Variants in CUBN observed in about 807,000 individuals in gnomAD.
CUBN encodes 460 kDa receptor.
A neutral mutation model predicts 405.3 loss-of-function variants in CUBN; 282 were observed. The ratio of observed to expected loss-of-function variants is 0.70; its 90% confidence interval spans 0.63 to 0.77. The LOEUF is 0.77. Ranked by LOEUF, CUBN falls within the 30% of genes least tolerant of loss-of-function variation. The probability of loss-of-function intolerance (pLI) is 0.00; values close to 1 mark genes in which losing one functional copy is unlikely to be tolerated. For missense variants in CUBN, 4,514 were observed against 4,475.2 expected (o/e 1.01, Z -0.25); for synonymous variants, 1,684 against 1,617.0 (o/e 1.04, Z -0.99).
Position 17,085,616 on chromosome 10 carries a change from G to T in CUBN, c.2091C>A (p.Ile697=), listed in dbSNP as rs756697062. ...ACTTACAAGGTGATGTTAAGTAGGT[G>T]ATATGGAAGCCTTGGTCACTAATCT... ...DSQISDQGFH[I]TYLTSPSDLR... Residue 697 remains isoleucine (I), a synonymous_variant, in exon 16 of 67, where the codon ATC becomes ATA. Coordinates refer to ENST00000377833, the MANE Select transcript of CUBN (RefSeq NM_001081.4). The T allele has an allele frequency of 3.7e-5, 59 of 1,614,018 alleles. No homozygotes were observed. The highest frequency in any genetic ancestry group is 5.0e-5 in the Non-Finnish European group (59 of 1,179,998).
intron 14 of CUBN, among the ~76,000 whole-genome samples, chr10:17,097,774 T>C (rs1202604873): frequency 6.6e-6 from 1 of 152,190 alleles, no homozygotes; most frequent in Non-Finnish European, 1.5e-5. Flanking sequence ...AAACATATGA[T>C]CACCTGAATA....
rs139125226 is a variant in CUBN at position 17,011,746 on chromosome 10, C to T, written c.4168+8087G>A. 3.5e-3 allele frequency among the ~76,000 whole-genome samples: 536 copies of T among 152,232 alleles called. 4 individuals carry two copies. The highest frequency in any genetic ancestry group is 0.012 in the African/African-American group (498 of 41,554). Reference sequence around the variant, plus strand: ...CATTTTTACAGAGTGCTGATCGGTGCGTTTACAAACCTTTAGTTAGACACA... The same window carrying T: ...CATTTTTACAGAGTGCTGATCGGTGTGTTTACAAACCTTTAGTTAGACACA... On this transcript the variant is annotated intron_variant, in intron 28 of 66. Coordinates refer to ENST00000377833, the MANE Select transcript of CUBN (RefSeq NM_001081.4).
chr10:16,904,421 A>T (rs1841498435), intron 50 of CUBN, among the ~76,000 whole-genome samples: 1 of 152,260 alleles, frequency 6.6e-6, no homozygotes, highest in South Asian at 2.1e-4. Flanking sequence ...AATGAATTAA[A>T]ATAGCACTTT....
At chr10:17,075,435 C>T (rs1475990026) in intron 17 of CUBN, among the ~76,000 whole-genome samples, 1 of 151,856 alleles carries the variant, frequency 6.6e-6, no homozygotes, top group African/African-American at 2.4e-5. Context: ...AGGGATGTGG[C>T]GACAGTTACT....
Position 16,942,873 on chromosome 10 carries a change from G to C in CUBN, c.5343-2636C>G, listed in dbSNP as rs1406366601. ...GGAAGGGGAAGGGAAAGGAAGGGAA[G>C]GGAAGGGAGGGGAACGGAAGGCAAG... On this transcript the variant is annotated intron_variant, in intron 36 of 66. Coordinates refer to ENST00000377833, the MANE Select transcript of CUBN (RefSeq NM_001081.4). Among the ~76,000 whole-genome samples, 11 of 148,320 alleles carry C rather than the reference G, an allele frequency of 7.4e-5. No individual in the cohort carries two copies. In the East Asian group the frequency reaches 1.8e-3, roughly 24 times the overall value.
chr10:16,836,534 T>C, intron 62 of CUBN, 152 bp from the exon 63 acceptor site: 3 of 781,702 alleles, frequency 3.8e-6, no homozygotes, highest in East Asian at 5.3e-5. Flanking sequence ...AAGACTCACG[T>C]TGGCCTTGGA....
chr10:16,883,759 G>A (rs1840730068), intron 56 of CUBN, among the ~76,000 whole-genome samples: 1 of 152,176 alleles, frequency 6.6e-6, no homozygotes, highest in Non-Finnish European at 1.5e-5. Flanking sequence ...GCCATCTCTA[G>A]AGGACAACAA....
Position 17,045,195 on chromosome 10 carries a change from G to A in CUBN, c.3491-7C>T. ...GTGAGATTACCCCCGCAACCTACAG[G>A]AGAAAGAAGTGGAATGACACACACC... is the stretch of plus-strand genomic sequence containing the variant. On this transcript the variant is annotated splice_polypyrimidine_tract_variant and splice_region_variant and intron_variant, in intron 24 of 66. Coordinates refer to ENST00000377833, the MANE Select transcript of CUBN (RefSeq NM_001081.4). 1 of 1,613,290 alleles carries A rather than the reference G, an allele frequency of 6.2e-7. No individual in the cohort carries two copies.
chr10:17,104,684 G>T, intron 11 of CUBN, 79 bp from the exon 12 acceptor site: 1 of 758,362 alleles, frequency 1.3e-6, no homozygotes, highest in Non-Finnish European at 2.3e-6. Context: ...TAATAGGAAT[G>T]TAGTGCCATG....
intron 31 of CUBN, among the ~76,000 whole-genome samples, chr10:16,966,230 G>C (rs1006817003): frequency 6.6e-6 from 1 of 152,178 alleles, no homozygotes; most frequent in Non-Finnish European, 1.5e-5. Context: ...CCATTCCAGT[G>C]AACGTGCATG....
Position 17,068,128 on chromosome 10 carries a change from G to A in CUBN, c.2944C>T (p.His982Tyr). ...LMFETFHLEF[H>Y]YNCTNDYLEV... ...AAGTAGTCGTTTGTGCAATTGTAAT[G>A]AAACTCCAGATGAAATGTTTCGAAC... The change falls in exon 21 of 67, where the codon CAT (histidine) becomes TAT (tyrosine). Residue 982 changes from histidine to tyrosine, a missense_variant. Physicochemically the swap from His to Tyr is moderately conservative, Grantham distance 83. Around this residue, in one of 5 missense-constraint regions of CUBN, gnomAD observed 1,448 missense variants for 1,388.0 expected, o/e 1.04. Coordinates refer to ENST00000377833, the MANE Select transcript of CUBN (RefSeq NM_001081.4). 6.2e-7 allele frequency: 1 copy of A among 1,612,744 alleles called. No homozygotes were observed. Among genetic ancestry groups the A allele is most frequent in the East Asian group, 2.2e-5 (1 of 44,784 alleles).
intron 33 of CUBN, among the ~76,000 whole-genome samples, chr10:16,950,438 T>C (rs1388771514): frequency 6.6e-6 from 1 of 152,198 alleles, no homozygotes; most frequent in Non-Finnish European, 1.5e-5. Context: ...ATACATCTAC[T>C]ATGTACCCAC....
At chr10:17,001,036 C>T (rs565993688) in intron 28 of CUBN, among the ~76,000 whole-genome samples, 173 of 152,166 alleles carry the variant, frequency 1.1e-3, no homozygotes, top group African/African-American at 4.0e-3. Flanking sequence ...CCTTCTGGTG[C>T]GTTCGTGATC....
At chr10:16,869,507 T>C (rs1341165843) in intron 59 of CUBN, 129 bp downstream of exon 59, 4 of 757,890 alleles carry the variant, frequency 5.3e-6, no homozygotes, top group African/African-American at 2.0e-5. Context: ...AGCCCTTACA[T>C]GGCATATTCT....
At position 16,901,767 on chromosome 10, in the gene CUBN, T is replaced by C. The variant is rs1187782634; in HGVS notation, c.8063-308A>G. ...TATTCAGGAGGCTGAGGCAGGAGAA[T>C]CGCTTGAATCAGAAGGTGGAGGCTG... On this transcript the variant is annotated intron_variant, in intron 51 of 66. Transcript: ENST00000377833. 4.0e-5 allele frequency among the ~76,000 whole-genome samples: 6 copies of C among 150,670 alleles called. No homozygotes were observed. The South Asian group carries it at 1.3e-3, about 31-fold the overall frequency.
intron 22 of CUBN, among the ~76,000 whole-genome samples, chr10:17,063,941 C>G (rs991167397): frequency 6.6e-6 from 1 of 152,226 alleles, no homozygotes; most frequent in Non-Finnish European, 1.5e-5. Context: ...AAATCCTGAT[C>G]TAATATTCAG....
intron 25 of CUBN, among the ~76,000 whole-genome samples, chr10:17,044,616 T>C (rs759718366): frequency 3.9e-5 from 6 of 152,158 alleles, no homozygotes; most frequent in Non-Finnish European, 7.3e-5. Flanking sequence ...TGAACAATGG[T>C]GAATTGCTGT....
intron 17 of CUBN, among the ~76,000 whole-genome samples, chr10:17,084,067 A>G (rs891451653): frequency 2.6e-5 from 4 of 152,194 alleles, no homozygotes; most frequent in Admixed American, 6.5e-5. Flanking sequence ...TATTCTAGAT[A>G]ATAAATCTGT....
At chr10:17,036,608 G>C (rs937375021) in intron 27 of CUBN, among the ~76,000 whole-genome samples, 8 of 152,096 alleles carry the variant, frequency 5.3e-5, no homozygotes. Context: ...CTGCCAGGGG[G>C]CTGAAGGGAA....
Sources: gnomAD v4.1 joint callset for allele counts (sites outside exome capture counted in the v4.1 genomes callset) on GRCh38, gnomAD v4.1.1 for gene constraint, gnomAD v4.1.1 regional missense constraint, MANE v1.5 for transcripts, NCBI Gene and HGNC (gene_info 2026-07-23, HGNC 2026-07-21) for gene names.